Variants in CSRP3 observed in about 807,000 individuals in gnomAD.
CSRP3 encodes the protein cysteine and glycine-rich protein 3.
In CSRP3, 24 loss-of-function variants were observed where a neutral mutation model predicts 24.3. The ratio of observed to expected loss-of-function variants is 0.99; its 90% CI spans 0.71 to 1.39. The LOEUF is 1.39. Among genes scored for constraint, CSRP3 ranks in the 40% most tolerant of loss-of-function variants. CSRP3 has a pLI of 0.00. For synonymous variants in CSRP3, 105 were observed against 94.0 expected, an observed-to-expected ratio of 1.12 and a Z score of -0.68; for missense variants, 240 against 249.0, an observed-to-expected ratio of 0.96 and a Z score of 0.24.
In CSRP3 at chr11:19,192,092, A is replaced by C. The variant is rs141723752; in HGVS notation, c.112+245T>G. 4.9e-3 allele frequency among the ~76,000 whole-genome samples: 749 copies of C among 152,196 alleles called. 1 individual carries two copies. Among genetic ancestry groups the C allele is most frequent in the African/African-American group, 0.017 (703 of 41,524 alleles). On this transcript the variant is annotated intron_variant, in intron 2 of 5. Coordinates refer to ENST00000265968, the MANE Select transcript of CSRP3 (RefSeq NM_003476.5). ...GACAGGCTAGCTTGTTCTGACGTTG[A>C]GCTACAGGAAAATGAATGGCCTCTG...
At chr11:19,193,846 A>G (rs1241654068) in intron 1 of CSRP3, among the ~76,000 whole-genome samples, 1 of 152,244 alleles carries the variant, frequency 6.6e-6, no homozygotes, top group Non-Finnish European at 1.5e-5. Flanking sequence ...TAAAATAGTA[A>G]TAATAATTGT....
chr11:19,197,528 T>C (rs954290256), intron 1 of CSRP3, among the ~76,000 whole-genome samples: 3 of 130,508 alleles, frequency 2.3e-5, no homozygotes, highest in African/African-American at 6.1e-5. Context: ...TCTTTCTTTC[T>C]TTCTTTCTTT....
At chr11:19,188,372 G>C in intron 2 of CSRP3, 68 bp from the exon 3 acceptor site, 2 of 1,556,080 alleles carry the variant, frequency 1.3e-6, no homozygotes, top group Non-Finnish European at 8.8e-7. Flanking sequence ...CACTCCCAAT[G>C]CCATGCTCGG....
rs560411470 is a variant in CSRP3, at chr11:19,200,182, C to A, written c.-29+1772G>T. On this transcript the variant is annotated intron_variant, in intron 1 of 5. Transcript: ENST00000265968. ...GGTTATATTAAACTTTACAAAAGTACTTTCCTATACTTTATCTCATTCAAT... is the reference window on the plus strand; with the variant it reads ...GGTTATATTAAACTTTACAAAAGTAATTTCCTATACTTTATCTCATTCAAT... 5.3e-4 allele frequency among the ~76,000 whole-genome samples: 80 copies of A among 152,298 alleles called. 1 individual carries two copies. The highest frequency in any genetic ancestry group is 9.8e-4 in the Non-Finnish European group (67 of 68,032).
chr11:19,197,583 A>C (rs1850762595), intron 1 of CSRP3, among the ~76,000 whole-genome samples: 1 of 74,632 alleles, frequency 1.3e-5, no homozygotes, highest in African/African-American at 5.6e-5. Context: ...TTCTTCTTTC[A>C]CTACCAACTA....
rs768595166 is a variant in CSRP3, at chr11:19,192,429, C to A, written c.20G>T (p.Gly7Val). The A allele has an allele frequency of 6.2e-7, 1 of 1,614,108 alleles. No homozygotes were observed. Among genetic ancestry groups the A allele is most frequent in the Non-Finnish European group, 8.5e-7 (1 of 1,180,002 alleles). The stretch of plus-strand genomic sequence containing the variant: ...CTTTTCACAGGCTCCACATTTTGCG[C>A]CTCCGCCCCAGTTTGGCATCTTGAA... Reference protein sequence around the residue: MPNWGGGAKCGACEKTV... With the variant: MPNWGGVAKCGACEKTV... The change falls in exon 2 of 6, where the codon GGC (glycine) becomes GTC (valine). Residue 7 changes from glycine (G) to valine (V), a missense_variant. Transcript: ENST00000265968.
intron 1 of CSRP3, among the ~76,000 whole-genome samples, chr11:19,199,151 G>A (rs1247589940): frequency 2.6e-5 from 4 of 151,888 alleles, no homozygotes; most frequent in Non-Finnish European, 4.4e-5. Context: ...GTCCCCTTGC[G>A]TTGTTGGATT....
Position 19,196,203 on chromosome 11 carries a change from C to G in CSRP3, c.-28-3727G>C, listed in dbSNP as rs369611357. On this transcript the variant is annotated intron_variant, in intron 1 of 5. Coordinates refer to ENST00000265968, the MANE Select transcript of CSRP3 (RefSeq NM_003476.5). ...ACTTGAACCCAGGAGGTGGAAGTTG[C>G]AGTGAGCTGAGATTGCGCCACTGCA... 1.4e-4 allele frequency among the ~76,000 whole-genome samples: 21 copies of G among 152,248 alleles called. No homozygotes were observed. The East Asian group carries it at 4.1e-3, about 29-fold the overall frequency.
chr11:19,182,376 T>C lies in CSRP3; in HGVS notation c.*294A>G, dbSNP rs1040251878. The C allele has an allele frequency of 2.6e-6, 1 of 383,300 alleles. No individual in the cohort carries two copies. Among genetic ancestry groups the C allele is most frequent in the African/African-American group, 2.0e-5 (1 of 50,088 alleles). The allele number at this position is 383,300 out of a possible 1,614,324, so 23.7% of individuals were successfully genotyped here. Reference sequence around the variant, plus strand: ...TGAACTAGCTTTATGTTTTTGAAAATTTCTATCTCAAAGAAAAGATCTAGA... The same window carrying C: ...TGAACTAGCTTTATGTTTTTGAAAACTTCTATCTCAAAGAAAAGATCTAGA... On this transcript the variant is annotated 3_prime_UTR_variant, in exon 6 of 6. Transcript: ENST00000265968.
intron 1 of CSRP3, among the ~76,000 whole-genome samples, chr11:19,196,293 A>T (rs1055970951): frequency 9.2e-5 from 14 of 152,182 alleles, no homozygotes; most frequent in Non-Finnish European, 2.1e-4. Context: ...ATAAAAAGGC[A>T]TTCGGAATCC....
rs45449097 is a variant in CSRP3 at position 19,188,355 on chromosome 11, T to C, written c.113-51A>G. The C allele has an allele frequency of 8.7e-4, 1,387 of 1,593,818 alleles. 3 individuals are homozygous for C. Among genetic ancestry groups the C allele is most frequent in the Non-Finnish European group, 1.1e-3 (1,235 of 1,167,670 alleles). ...GATTGGAATTGAAATCCTTCTCCCC[T>C]TCTTTGCACTCCCAATGCCATGCTC... On this transcript the variant is annotated intron_variant, in intron 2 of 5. Coordinates refer to ENST00000265968, the MANE Select transcript of CSRP3 (RefSeq NM_003476.5).
At chr11:19,187,867 C>T (rs1850552265) in intron 3 of CSRP3, among the ~76,000 whole-genome samples, 2 of 152,196 alleles carry the variant, frequency 1.3e-5, no homozygotes. Flanking sequence ...AACAATGGAA[C>T]ATCTGTACAT....
At chr11:19,191,330 C>A (rs1309710446) in intron 2 of CSRP3, among the ~76,000 whole-genome samples, 2 of 152,284 alleles carry the variant, frequency 1.3e-5, no homozygotes, top group African/African-American at 4.8e-5. Flanking sequence ...CCTTGGAGTT[C>A]TTTTCAATTG....
chr11:19,187,661 C>T (rs2133510353), intron 3 of CSRP3, among the ~76,000 whole-genome samples: 1 of 152,316 alleles, frequency 6.6e-6, no homozygotes, highest in Non-Finnish European at 1.5e-5. Context: ...TGATTGTTTA[C>T]TCTGAGGCAC....
chr11:19,193,326 A>T (rs555080080), intron 1 of CSRP3, among the ~76,000 whole-genome samples: 7 of 152,124 alleles, frequency 4.6e-5, no homozygotes, highest in Non-Finnish European at 1.0e-4. Context: ...AAACGACATG[A>T]TGTGCAGGAA....
At chr11:19,190,559 A>C (rs1232660657) in intron 2 of CSRP3, among the ~76,000 whole-genome samples, 1 of 152,262 alleles carries the variant, frequency 6.6e-6, no homozygotes, top group Non-Finnish European at 1.5e-5. Flanking sequence ...TTAAATTTAC[A>C]TATGTTGCTG....
intron 1 of CSRP3, among the ~76,000 whole-genome samples, chr11:19,198,049 T>G (rs879636803): frequency 6.6e-6 from 1 of 152,222 alleles, no homozygotes; most frequent in African/African-American, 2.4e-5. Flanking sequence ...ATGAATAGAT[T>G]GGAACTTACG....
At chr11:19,188,416 A>G in intron 2 of CSRP3, 112 bp from the exon 3 acceptor site, 1 of 1,061,306 alleles carries the variant, frequency 9.4e-7, no homozygotes, top group Non-Finnish European at 1.4e-6. Flanking sequence ...CCCCTGAGCC[A>G]AGAATACAAT....
At chr11:19,198,902 C>G (rs1292297166) in intron 1 of CSRP3, among the ~76,000 whole-genome samples, 2 of 152,188 alleles carry the variant, frequency 1.3e-5, no homozygotes, top group Non-Finnish European at 2.9e-5. Context: ...AGCTAAGACA[C>G]CATATAGAAT....
Sources: gnomAD v4.1 joint callset for allele counts (sites outside exome capture counted in the v4.1 genomes callset) on GRCh38, gnomAD v4.1.1 for gene constraint, MANE v1.5 for transcripts, NCBI Gene and HGNC (gene_info 2026-07-23, HGNC 2026-07-21) for gene names.